The following CASR variants were observed in gnomAD, a reference collection of about 807,000 sequenced individuals.
The protein encoded by CASR is extracellular calcium-sensing receptor.
CASR carries 23 observed loss-of-function variants against 69.1 expected under a neutral mutation model. The observed-to-expected ratio is 0.33, with a 90% CI of 0.24 to 0.47. The LOEUF (loss-of-function observed/expected upper bound fraction) is 0.47, where lower values mean the gene tolerates loss of function less well. CASR is among the 20% of genes least tolerant of loss of function. The probability of loss-of-function intolerance (pLI) is 1.00; values close to 1 mark genes in which losing one functional copy is unlikely to be tolerated. For missense variants in CASR, 924 were observed against 1,356.1 expected, an observed-to-expected ratio of 0.68 and a Z score of 5.00; for synonymous variants, 541 against 544.7, an observed-to-expected ratio of 0.99 and a Z score of 0.10.
chr3:122,257,146 GC>G lies in CASR; in HGVS notation c.254del (p.Pro85GlnfsTer7). ...TTTGCCATAGAGGAGATAAACAGCA[GC>G]CCAGCCCTTCTTCCCAACTTGACGC... ...MIFAIEEINS[S>X]PALLPNLTLG... On this transcript the variant is annotated frameshift_variant, in exon 3 of 7. Transcript: ENST00000639785. LOFTEE classifies it high-confidence loss of function. 6.2e-7 allele frequency: 1 copy of G among 1,614,082 alleles called. No individual in the cohort carries two copies.
At chr3:122,209,520 G>A (rs2074041306) in intron 1 of CASR, among the ~76,000 whole-genome samples, 1 of 152,216 alleles carries the variant, frequency 6.6e-6, no homozygotes, top group Non-Finnish European at 1.5e-5. Context: ...GACAAAGAGA[G>A]CTTGTGCAGG....
chr3:122,207,724 A>T (rs999141988), intron 1 of CASR, among the ~76,000 whole-genome samples: 5 of 152,190 alleles, frequency 3.3e-5, no homozygotes, highest in African/African-American at 1.2e-4. Context: ...AAAAAAGTAG[A>T]AAGACTTCAA....
At chr3:122,243,924 C>T (rs762232679) in intron 1 of CASR, among the ~76,000 whole-genome samples, 6 of 151,656 alleles carry the variant, frequency 4.0e-5, no homozygotes, top group Non-Finnish European at 7.4e-5. Context: ...AAGTAAGCCA[C>T]GAAGATGGAC....
intron 5 of CASR, among the ~76,000 whole-genome samples, chr3:122,281,476 T>C (rs907872347): frequency 4.6e-5 from 7 of 152,246 alleles, no homozygotes; most frequent in Non-Finnish European, 1.0e-4. Context: ...ACTTTTAATG[T>C]TTTCTCTATA....
intron 1 of CASR, among the ~76,000 whole-genome samples, chr3:122,240,573 A>G (rs766623737): frequency 1.8e-4 from 27 of 152,204 alleles, no homozygotes; most frequent in Non-Finnish European, 2.8e-4. Flanking sequence ...AGACCACAGT[A>G]CAATAATAGC....
At chr3:122,190,067 G>A (rs975413528) in intron 1 of CASR, among the ~76,000 whole-genome samples, 1 of 152,112 alleles carries the variant, frequency 6.6e-6, no homozygotes, top group Non-Finnish European at 1.5e-5. Context: ...GAAGAGAAGT[G>A]GGGTGGAGGG....
chr3:122,288,187 G>C lies in CASR; in HGVS notation c.*2996G>C, dbSNP rs1365063134. The C allele has an allele frequency of 6.6e-6, 1 of 152,224 alleles. No homozygotes were observed. The highest frequency in any genetic ancestry group is 1.5e-5 in the Non-Finnish European group (1 of 68,044). The allele number at this position is 152,224 out of a possible 1,614,324, so 9.4% of individuals were successfully genotyped here. On this transcript the variant is annotated 3_prime_UTR_variant, in exon 7 of 7. Transcript: ENST00000639785. ...GAAGAGTCAGTGTGAGAGCAATACAGTATGAGAAAAACACCACTGGCCTGT... is the reference window on the plus strand; with the variant it reads ...GAAGAGTCAGTGTGAGAGCAATACACTATGAGAAAAACACCACTGGCCTGT...
intron 1 of CASR, among the ~76,000 whole-genome samples, chr3:122,197,857 C>T (rs1361587212): frequency 6.6e-6 from 1 of 152,198 alleles, no homozygotes; most frequent in Non-Finnish European, 1.5e-5. Context: ...CATTCCTCGC[C>T]TATAAAGTCC....
At chr3:122,246,073 G>T (rs547013950) in intron 1 of CASR, among the ~76,000 whole-genome samples, 1 of 152,258 alleles carries the variant, frequency 6.6e-6, no homozygotes, top group East Asian at 1.9e-4. Flanking sequence ...TGGCCATAAT[G>T]ATTCAAACGT....
At chr3:122,196,444 T>C (rs890105958) in intron 1 of CASR, among the ~76,000 whole-genome samples, 2 of 152,218 alleles carry the variant, frequency 1.3e-5, no homozygotes, top group Non-Finnish European at 2.9e-5. Context: ...TTTATTCTTT[T>C]ATCTTTTTTA....
chr3:122,187,610 A>C (rs2073798760), intron 1 of CASR, among the ~76,000 whole-genome samples: 1 of 152,206 alleles, frequency 6.6e-6, no homozygotes, highest in East Asian at 1.9e-4. Flanking sequence ...GGTCAATTCT[A>C]CCAAAGGAGG....
chr3:122,239,082 T>A (rs147234661), intron 1 of CASR, among the ~76,000 whole-genome samples: 28 of 152,208 alleles, frequency 1.8e-4, no homozygotes, highest in Non-Finnish European at 3.5e-4. Context: ...TAGGTACCAG[T>A]TCAGCCACAA....
intron 1 of CASR, among the ~76,000 whole-genome samples, chr3:122,210,596 A>G (rs1386490405): frequency 6.6e-6 from 1 of 152,208 alleles, no homozygotes; most frequent in Non-Finnish European, 1.5e-5. Context: ...AGAGGACAAA[A>G]ACAAATATAA....
intron 4 of CASR, among the ~76,000 whole-genome samples, chr3:122,264,303 T>C (rs1055195972): frequency 6.6e-6 from 1 of 152,218 alleles, no homozygotes; most frequent in African/African-American, 2.4e-5. Flanking sequence ...TTCCCCAGGG[T>C]TAGCAATTTT....
chr3:122,250,425 C>A (rs1248259910), intron 1 of CASR, among the ~76,000 whole-genome samples: 1 of 152,154 alleles, frequency 6.6e-6, no homozygotes, highest in East Asian at 1.9e-4. Flanking sequence ...TAATATTTCA[C>A]AGGAAAAATT....
In CASR at chr3:122,283,780, C is replaced by G. The variant is rs759904153; in HGVS notation, c.1826C>G (p.Thr609Arg). ...IAKEIEFLSW[T>R]EPFGIALTLF... ...AAGGAGATCGAGTTTCTGTCGTGGA[C>G]GGAGCCCTTTGGGATCGCACTCACC... is the stretch of plus-strand genomic sequence containing the variant. Residue 609 changes from threonine (T) to arginine (R), a missense_variant, in exon 7 of 7, where the codon ACG becomes AGG. By Grantham distance (71) the Thr-to-Arg change is moderately conservative. Transcript: ENST00000639785. The G allele has an allele frequency of 6.2e-7, 1 of 1,614,074 alleles. No individual in the cohort carries two copies. Among genetic ancestry groups the G allele is most frequent in the Non-Finnish European group, 8.5e-7 (1 of 1,179,974 alleles).
At chr3:122,204,314 A>G (rs1401253861) in intron 1 of CASR, among the ~76,000 whole-genome samples, 1 of 152,110 alleles carries the variant, frequency 6.6e-6, no homozygotes, top group Non-Finnish European at 1.5e-5. Flanking sequence ...CCCATATGTA[A>G]ATGAGAACAT....
chr3:122,288,217 C>A lies in CASR; in HGVS notation c.*3026C>A, dbSNP rs1475815598. On this transcript the variant is annotated 3_prime_UTR_variant, in exon 7 of 7. Transcript: ENST00000639785. The stretch of plus-strand genomic sequence containing the variant: ...AGAAAAACACCACTGGCCTGTACTG[C>A]CTTTGCGTAGGGAAGTGGACATGAG... 1 of 152,180 alleles carries A rather than the reference C, an allele frequency of 6.6e-6. No individual in the cohort carries two copies. The highest frequency in any genetic ancestry group is 1.5e-5 in the Non-Finnish European group (1 of 68,040). 9.4% of individuals were successfully genotyped at this position (152,180 alleles called of 1,614,324 possible). A position where few individuals can be genotyped will look rare whatever the true frequency, so the allele number is the denominator to read the frequency against.
At chr3:122,246,776 A>G (rs2074431981) in intron 1 of CASR, 1 of 152,218 alleles carries the variant, frequency 6.6e-6, no homozygotes, top group Non-Finnish European at 1.5e-5. Flanking sequence ...GCACACCACC[A>G]CATGTCCCCA....
Sources: gnomAD v4.1 joint callset for allele counts (sites outside exome capture counted in the v4.1 genomes callset) on GRCh38, gnomAD v4.1.1 for gene constraint, MANE v1.5 for transcripts, NCBI Gene and HGNC (gene_info 2026-07-23, HGNC 2026-07-21) for gene names.